The following TRIM33 variants were observed in gnomAD, a reference collection of about 807,000 sequenced individuals.
TRIM33 encodes E3 ubiquitin-protein ligase TRIM33.
Under a neutral mutation model 125.4 loss-of-function variants are expected in TRIM33, and 20 were observed. The observed-to-expected ratio is 0.16, with a 90% CI of 0.11 to 0.23. TRIM33 has a LOEUF of 0.23. TRIM33 is among the 10% of genes least tolerant of loss of function. The pLI, the probability that TRIM33 is intolerant of heterozygous loss-of-function variation, is 1.00. For missense variants in TRIM33, 920 were observed against 1,411.4 expected (o/e 0.65, Z 5.58); for synonymous variants, 564 against 513.9 (o/e 1.10, Z -1.32).
Position 114,396,362 on chromosome 1 carries a change from C to G in TRIM33, c.*1286G>C, listed in dbSNP as rs937678722. The G allele has an allele frequency of 4.9e-6, 1 of 203,774 alleles. No homozygotes were observed. The highest frequency in any genetic ancestry group is 1.0e-5 in the Non-Finnish European group (1 of 99,054). The allele number at this position is 203,774 out of a possible 1,614,324, so 12.6% of individuals were successfully genotyped here. A position where few individuals can be genotyped will look rare whatever the true frequency, so the allele number is the denominator to read the frequency against. On this transcript the variant is annotated 3_prime_UTR_variant, in exon 20 of 20. Coordinates refer to ENST00000358465, the MANE Select transcript of TRIM33 (RefSeq NM_015906.4). ...TCATTTTCAGGATTTACTTACAGGTCTCTTCTAAGTCCTTTAAGCCCCCAG... is the reference window on the plus strand; with the variant it reads ...TCATTTTCAGGATTTACTTACAGGTGTCTTCTAAGTCCTTTAAGCCCCCAG...
Position 114,402,790 on chromosome 1 carries a change from A to G in TRIM33, c.2862T>C (p.Thr954=). Reference sequence around the variant, plus strand: ...GGTCCACGGGGCTTAACCCCTGCGCAGTTTTCCCCTTCTTACTATGTTGCA... The same window carrying G: ...GGTCCACGGGGCTTAACCCCTGCGCGGTTTTCCCCTTCTTACTATGTTGCA... The part of the protein sequence containing the change: ...DNLQHSKKGK[T]AQGLSPVDQR... Residue 954 remains threonine, a synonymous_variant, in exon 16 of 20, where the codon ACT becomes ACC. Coordinates refer to ENST00000358465, the MANE Select transcript of TRIM33 (RefSeq NM_015906.4). 6.2e-7 allele frequency: 1 copy of G among 1,614,102 alleles called. No individual in the cohort carries two copies. The highest frequency in any genetic ancestry group is 8.5e-7 in the Non-Finnish European group (1 of 1,180,002).
At chr1:114,411,518 GA>G (rs1652587051) in intron 11 of TRIM33, among the ~76,000 whole-genome samples, 1 of 152,154 alleles carries the variant, frequency 6.6e-6, no homozygotes, top group African/African-American at 2.4e-5. Context: ...GATTTGTTAT[GA>G]GGGGGGAGTA....
chr1:114,448,315 T>C (rs1463144881), intron 4 of TRIM33, among the ~76,000 whole-genome samples: 1 of 152,200 alleles, frequency 6.6e-6, no homozygotes, highest in East Asian at 1.9e-4. Flanking sequence ...TCTGTAGTTC[T>C]CTTTTGATAG....
At chr1:114,491,318 C>A (rs1652049017) in intron 1 of TRIM33, among the ~76,000 whole-genome samples, 1 of 152,128 alleles carries the variant, frequency 6.6e-6, no homozygotes, top group South Asian at 2.1e-4. Context: ...GACCTAGGGT[C>A]GATTCTCATC....
At chr1:114,457,659 C>T (rs1649705629) in intron 4 of TRIM33, among the ~76,000 whole-genome samples, 1 of 152,142 alleles carries the variant, frequency 6.6e-6, no homozygotes. Flanking sequence ...TTTGAAACTA[C>T]CTGAGGAGCT....
chr1:114,484,036 C>G (rs1387969107), intron 1 of TRIM33, among the ~76,000 whole-genome samples: 2 of 152,108 alleles, frequency 1.3e-5, no homozygotes, highest in African/African-American at 4.8e-5. Context: ...TGAGACACAT[C>G]TGGGTCACTC....
At chr1:114,504,147 C>T (rs1175403734) in intron 1 of TRIM33, among the ~76,000 whole-genome samples, 3 of 150,904 alleles carry the variant, frequency 2.0e-5, no homozygotes, top group Non-Finnish European at 4.4e-5. Flanking sequence ...AGCCATTATC[C>T]TTTTTTTTTA....
chr1:114,424,443 G>T (rs888316488), intron 10 of TRIM33, 148 bp downstream of exon 10: 59 of 591,056 alleles, frequency 1.0e-4, no homozygotes, highest in Non-Finnish European at 1.4e-4. Flanking sequence ...AATCTCATGT[G>T]TATGTTTATT....
At chr1:114,399,751 C>T (rs921751627) in intron 17 of TRIM33, 142 bp from the exon 18 acceptor site, 1 of 621,968 alleles carries the variant, frequency 1.6e-6, no homozygotes, top group Non-Finnish European at 2.7e-6. Flanking sequence ...GACGTATGTA[C>T]TTTACATCTT....
intron 6 of TRIM33, among the ~76,000 whole-genome samples, chr1:114,428,415 G>C (rs1300020024): frequency 6.6e-6 from 1 of 152,138 alleles, no homozygotes; most frequent in Admixed American, 6.5e-5. Flanking sequence ...AGTTCACAGA[G>C]AACAAAGAAG....
chr1:114,503,167 T>G (rs1374232660), intron 1 of TRIM33, among the ~76,000 whole-genome samples: 1 of 152,182 alleles, frequency 6.6e-6, no homozygotes, highest in East Asian at 1.9e-4. Flanking sequence ...AAAATAAACT[T>G]GACTACTCTC....
rs1374340370 is a variant in TRIM33 at position 114,398,367 on chromosome 1, AAT to A, written c.3121-379_3121-378del. Among the ~76,000 whole-genome samples, 3 of 152,254 alleles carry A rather than the reference AAT, an allele frequency of 2.0e-5. No individual in the cohort carries two copies. The South Asian group carries it at 6.2e-4, about 31-fold the overall frequency. On this transcript the variant is annotated intron_variant, in intron 18 of 19. Transcript: ENST00000358465. ...TTAATAAAAATTCTATCTGTATAGC[AAT>A]ATGTTAATCATAAACTATTTATTAC...
Position 114,511,151 on chromosome 1 carries a change from C to G in TRIM33, c.-75G>C. The G allele has an allele frequency of 2.8e-6, 3 of 1,060,990 alleles. No homozygotes were observed. Among genetic ancestry groups the G allele is most frequent in the Non-Finnish European group, 3.4e-6 (3 of 880,028 alleles). The allele number at this position is 1,060,990 out of a possible 1,614,324, so 65.7% of individuals were successfully genotyped here. A position where few individuals can be genotyped will look rare whatever the true frequency, so the allele number is the denominator to read the frequency against. On this transcript the variant is annotated 5_prime_UTR_variant, in exon 1 of 20. Coordinates refer to ENST00000358465, the MANE Select transcript of TRIM33 (RefSeq NM_015906.4). ...GTCGCCGCCGCCGCCGCCCCCAGCC[C>G]CAGCCGCAGCCGCAGCAAGAGCGGC...
chr1:114,435,583 G>A (rs2101208082), intron 4 of TRIM33, among the ~76,000 whole-genome samples: 3 of 152,318 alleles, frequency 2.0e-5, no homozygotes, highest in Admixed American at 2.0e-4. Flanking sequence ...ATAAAGGGAA[G>A]TTTACTTAGT....
chr1:114,461,203 C>A (rs891663365), intron 4 of TRIM33, among the ~76,000 whole-genome samples: 1 of 106,668 alleles, frequency 9.4e-6, no homozygotes, highest in Non-Finnish European at 1.8e-5. Flanking sequence ...AGAGCAAGAA[C>A]CTGTCTTTAA....
At chr1:114,490,613 T>C (rs1244956143) in intron 1 of TRIM33, 1 of 152,182 alleles carries the variant, frequency 6.6e-6, no homozygotes, top group African/African-American at 2.4e-5. Context: ...CTGTTCATAA[T>C]AGCCAAAAAA....
intron 1 of TRIM33, among the ~76,000 whole-genome samples, chr1:114,466,457 G>A (rs757580826): frequency 2.0e-5 from 3 of 152,172 alleles, no homozygotes; most frequent in Non-Finnish European, 2.9e-5. Flanking sequence ...GTTCCTGGGA[G>A]ATGACCTCTG....
intron 11 of TRIM33, chr1:114,420,429 T>C (rs1438762487): frequency 7.5e-7 from 1 of 1,335,096 alleles, no homozygotes; most frequent in East Asian, 4.1e-5. Context: ...ATACCAGGAG[T>C]GCATCATCGG....
intron 10 of TRIM33, 58 bp from the exon 11 acceptor site, chr1:114,421,694 T>C (rs1653297423): frequency 3.9e-6 from 6 of 1,528,238 alleles, no homozygotes; most frequent in African/African-American, 1.4e-5. Flanking sequence ...GAATATAAAC[T>C]ATACCTTTAT....
Sources: gnomAD v4.1 joint callset for allele counts (sites outside exome capture counted in the v4.1 genomes callset) on GRCh38, gnomAD v4.1.1 for gene constraint, MANE v1.5 for transcripts, NCBI Gene and HGNC (gene_info 2026-07-23, HGNC 2026-07-21) for gene names.